Variants in CTNNA2 observed in about 807,000 individuals in gnomAD.
CTNNA2 encodes the protein catenin alpha 2.
CTNNA2 carries 42 observed loss-of-function variants against 101.0 expected under a neutral mutation model. The ratio of observed to expected loss-of-function variants is 0.42; its 90% CI spans 0.32 to 0.54. The LOEUF (loss-of-function observed/expected upper bound fraction) is 0.54. Ranked by LOEUF, CTNNA2 falls within the 20% of genes least tolerant of loss-of-function variation. CTNNA2 has a pLI of 0.14. For missense variants in CTNNA2, 871 were observed against 1,223.1 expected (o/e 0.71, Z 4.29); for synonymous variants, 450 against 456.4 (o/e 0.99, Z 0.18).
intron 7 of CTNNA2, among the ~76,000 whole-genome samples, chr2:79,963,118 A>G (rs1255282921): frequency 1.3e-5 from 2 of 151,430 alleles, no homozygotes; most frequent in Non-Finnish European, 2.9e-5. Flanking sequence ...ATTGTGTCTC[A>G]CATATTGCCA....
intron 4 of CTNNA2, among the ~76,000 whole-genome samples, chr2:79,421,569 C>A (rs897334213): frequency 2.0e-5 from 3 of 152,116 alleles, no homozygotes; most frequent in African/African-American, 7.2e-5. Flanking sequence ...ACCTGGTGAA[C>A]TAACGACTGC....
chr2:79,762,639 A>C (rs1016003514), intron 3 of CTNNA2, among the ~76,000 whole-genome samples: 10 of 152,340 alleles, frequency 6.6e-5, no homozygotes, highest in African/African-American at 2.2e-4. Context: ...AGACCTGGTC[A>C]AAAATCAGCA....
chr2:80,085,520 G>A (rs1453904436), intron 7 of CTNNA2, among the ~76,000 whole-genome samples: 1 of 152,056 alleles, frequency 6.6e-6, no homozygotes, highest in Non-Finnish European at 1.5e-5. Flanking sequence ...AAGGCCAATG[G>A]TGGTGCACAG....
upstream of CTNNA2, among the ~76,000 whole-genome samples, chr2:79,511,124 G>GTGCA (rs1671527835): frequency 1.3e-5 from 2 of 152,084 alleles, no homozygotes; most frequent in Non-Finnish European, 2.9e-5. Flanking sequence ...CAATTCTTAC[G>GTGCA]TGCATGCTCT....
intron 2 of CTNNA2, among the ~76,000 whole-genome samples, chr2:79,701,037 C>G (rs1453745781): frequency 6.6e-6 from 1 of 152,078 alleles, no homozygotes. Context: ...TGATGAAAAA[C>G]AAAATATAGG....
At chr2:80,538,674 G>A (rs1284596632) in intron 9 of CTNNA2, among the ~76,000 whole-genome samples, 1 of 152,168 alleles carries the variant, frequency 6.6e-6, no homozygotes, top group Non-Finnish European at 1.5e-5. Context: ...CTCCAGCTTT[G>A]TTCTTTTTGC....
In CTNNA2 at chr2:80,426,941, G is replaced by A. The variant is rs117439522; in HGVS notation, c.1290+7340G>A. ...GCCCCAGGTGGGATCAGTTCCTTAC[G>A]TCTTTCACTTCATGACATCCCTTTT... On this transcript the variant is annotated intron_variant, in intron 9 of 18. Transcript: ENST00000402739. Among the ~76,000 whole-genome samples the A allele has an allele frequency of 5.0e-3, 756 of 151,940 alleles. 19 individuals carry two copies. The East Asian group carries it at 0.066, about 13-fold the overall frequency.
In CTNNA2 at chr2:80,565,783, G is replaced by A. The variant is rs147948015; in HGVS notation, c.1742-8380G>A. ...ATTTACCACTCGATTCCCGATTCCC[G>A]GTGCCTAGAGTACTGCTTAGATTTG... is the stretch of plus-strand genomic sequence containing the variant. On this transcript the variant is annotated intron_variant, in intron 12 of 18. Transcript: ENST00000402739. Among the ~76,000 whole-genome samples the A allele has an allele frequency of 7.3e-3, 1,105 of 152,058 alleles. 7 individuals are homozygous for A. Among genetic ancestry groups the A allele is most frequent in the Non-Finnish European group, 0.011 (736 of 67,980 alleles).
At chr2:80,628,894 T>C (rs1348461987) in intron 18 of CTNNA2, among the ~76,000 whole-genome samples, 1 of 152,214 alleles carries the variant, frequency 6.6e-6, no homozygotes, top group East Asian at 1.9e-4. Flanking sequence ...TGCAAGTGTA[T>C]GCCCTCCATT....
intron 3 of CTNNA2, among the ~76,000 whole-genome samples, chr2:79,793,281 A>G (rs972445231): frequency 2.0e-5 from 3 of 152,334 alleles, no homozygotes; most frequent in Admixed American, 1.3e-4. Flanking sequence ...TTTATTACTC[A>G]CAGCGCAGAA....
At chr2:79,193,463 T>G (rs904974245) in intron 1 of CTNNA2, among the ~76,000 whole-genome samples, 13 of 152,204 alleles carry the variant, frequency 8.5e-5, no homozygotes, top group African/African-American at 2.9e-4. Flanking sequence ...CTAGGAACAG[T>G]AGGCTATATC....
At chr2:79,620,006 C>G (rs1475412741) in intron 1 of CTNNA2, among the ~76,000 whole-genome samples, 1 of 152,048 alleles carries the variant, frequency 6.6e-6, no homozygotes, top group East Asian at 1.9e-4. Flanking sequence ...AACTATGTGA[C>G]TTTTTCTTAT....
intron 2 of CTNNA2, among the ~76,000 whole-genome samples, chr2:79,310,708 C>T (rs1676347852): frequency 6.6e-6 from 1 of 152,112 alleles, no homozygotes; most frequent in African/African-American, 2.4e-5. Flanking sequence ...ATAGTTAAAG[C>T]CAGCATAGCC....
chr2:79,613,260 A>G (rs1678404657), intron 1 of CTNNA2, among the ~76,000 whole-genome samples: 2 of 151,714 alleles, frequency 1.3e-5, no homozygotes, highest in African/African-American at 4.8e-5. Context: ...AGGAAGTCAT[A>G]TCAGACTCAC....
At chr2:79,722,188 T>C (rs1686530804) in intron 2 of CTNNA2, among the ~76,000 whole-genome samples, 1 of 152,184 alleles carries the variant, frequency 6.6e-6, no homozygotes, top group Non-Finnish European at 1.5e-5. Context: ...TGGGGACATA[T>C]AATGATGAGC....
intron 8 of CTNNA2, among the ~76,000 whole-genome samples, chr2:80,407,370 G>A (rs765269078): frequency 3.3e-5 from 5 of 152,310 alleles, no homozygotes; most frequent in Admixed American, 6.5e-5. Context: ...AGAAACTTAC[G>A]TATAGAGTGA....
intron 3 of CTNNA2, among the ~76,000 whole-genome samples, chr2:79,786,696 A>G (rs1315169367): frequency 6.6e-6 from 1 of 152,062 alleles, no homozygotes; most frequent in African/African-American, 2.4e-5. Flanking sequence ...TCCCATACCT[A>G]TTTAATTGTG....
intron 8 of CTNNA2, among the ~76,000 whole-genome samples, chr2:80,398,700 C>CA (rs1236606091): frequency 0.3 from 29,361 of 97,622 alleles, 5,129 homozygotes; most frequent in African/African-American, 0.56. Context: ...GCTAAAAATA[C>CA]AAAAAAAAAA....
At chr2:79,455,588 C>A (rs542009630) in intron 4 of CTNNA2, among the ~76,000 whole-genome samples, 1 of 152,294 alleles carries the variant, frequency 6.6e-6, no homozygotes, top group African/African-American at 2.4e-5. Context: ...ATTACCTACA[C>A]GTACCTTTGC....
Sources: gnomAD v4.1 joint callset for allele counts (sites outside exome capture counted in the v4.1 genomes callset) on GRCh38, gnomAD v4.1.1 for gene constraint, MANE v1.5 for transcripts, NCBI Gene and HGNC (gene_info 2026-07-23, HGNC 2026-07-21) for gene names.